Variants in ST7 observed in about 807,000 individuals in gnomAD.
The protein encoded by ST7 is suppressor of tumorigenicity 7 protein.
ST7 carries 28 observed loss-of-function variants against 78.7 expected under a neutral mutation model. The observed-to-expected ratio is 0.36, with a 90% CI of 0.26 to 0.49. The LOEUF is 0.49. Among genes scored for constraint, ST7 ranks in the 20% least tolerant of loss-of-function variants. ST7 has a pLI of 0.99. For synonymous variants in ST7, 247 were observed against 249.6 expected, an observed-to-expected ratio of 0.99 and a Z score of 0.10; for missense variants, 418 against 696.0, an observed-to-expected ratio of 0.60 and a Z score of 4.49.
chr7:116,975,566 C>T (rs1793660701), intron 1 of ST7, among the ~76,000 whole-genome samples: 1 of 152,018 alleles, frequency 6.6e-6, no homozygotes, highest in African/African-American at 2.4e-5. Context: ...TGGCTCCACA[C>T]CTGGCTCATT....
At chr7:117,159,951 C>T (rs932539258) in intron 9 of ST7, among the ~76,000 whole-genome samples, 2 of 151,874 alleles carry the variant, frequency 1.3e-5, no homozygotes, top group Non-Finnish European at 2.9e-5. Flanking sequence ...CCTGTAATCC[C>T]AGCACTTTGG....
chr7:117,106,250 G>A (rs1397698013), intron 2 of ST7, among the ~76,000 whole-genome samples: 15 of 151,986 alleles, frequency 9.9e-5, no homozygotes, highest in African/African-American at 3.6e-4. Flanking sequence ...CACCCGCCTC[G>A]GCCTCCCAAA....
intron 2 of ST7, among the ~76,000 whole-genome samples, chr7:117,115,447 C>G (rs1428449591): frequency 1.3e-5 from 2 of 151,592 alleles, no homozygotes; most frequent in Non-Finnish European, 2.9e-5. Context: ...TTCCGTCTCC[C>G]AGGTTCAAGC....
intron 1 of ST7, chr7:116,972,333 A>G (rs1254932913): frequency 8.3e-6 from 5 of 602,024 alleles, no homozygotes; most frequent in Admixed American, 2.4e-5. Context: ...TGAATTTATC[A>G]GTAAGAATCT....
At chr7:117,139,196 C>T (rs1805057994) in intron 9 of ST7, among the ~76,000 whole-genome samples, 1 of 152,094 alleles carries the variant, frequency 6.6e-6, no homozygotes, top group South Asian at 2.1e-4. Flanking sequence ...AGTTGGGGAA[C>T]TTGGATTTCC....
intron 10 of ST7, among the ~76,000 whole-genome samples, chr7:117,182,159 A>G (rs538283434): frequency 6.6e-6 from 1 of 152,126 alleles, no homozygotes; most frequent in African/African-American, 2.4e-5. Flanking sequence ...TTTGTTCTAG[A>G]TTTGTGATAT....
intron 1 of ST7, among the ~76,000 whole-genome samples, chr7:116,991,442 T>C (rs542545503): frequency 6.1e-4 from 93 of 152,258 alleles, no homozygotes; most frequent in African/African-American, 2.2e-3. Context: ...ACTTCTTACA[T>C]GGTGGCGGCA....
intron 3 of ST7, among the ~76,000 whole-genome samples, chr7:117,128,739 A>G (rs1449538518): frequency 2.0e-5 from 3 of 151,794 alleles, no homozygotes; most frequent in African/African-American, 7.3e-5. Flanking sequence ...GTGGGTGCTC[A>G]AATTAATGCT....
chr7:117,216,082 TC>T lies in ST7; in HGVS notation c.1406-2996del, dbSNP rs61231795. 9.7e-3 allele frequency among the ~76,000 whole-genome samples: 1,470 copies of T among 152,086 alleles called. 26 individuals are homozygous for T. The highest frequency in any genetic ancestry group is 0.034 in the African/African-American group (1,401 of 41,466). ...TCATTTCTTTGGTTCTGTTTATTTT[TC>T]CCCCCAGTATCAATTGAGAATCTCT... On this transcript the variant is annotated intron_variant, in intron 13 of 15. Transcript: ENST00000323984.
At chr7:117,080,455 AT>A (rs1799686951) in intron 1 of ST7, among the ~76,000 whole-genome samples, 2 of 151,338 alleles carry the variant, frequency 1.3e-5, no homozygotes, top group East Asian at 3.9e-4. Flanking sequence ...ATATTTAACC[AT>A]TTTTCTTGTT....
At chr7:117,105,475 T>G (rs1801884013) in intron 2 of ST7, among the ~76,000 whole-genome samples, 1 of 151,992 alleles carries the variant, frequency 6.6e-6, no homozygotes, top group Non-Finnish European at 1.5e-5. Context: ...AGAGATGGAG[T>G]CTCCCTATAT....
intron 13 of ST7, among the ~76,000 whole-genome samples, chr7:117,218,506 A>G (rs894146534): frequency 5.3e-5 from 8 of 152,220 alleles, no homozygotes; most frequent in African/African-American, 1.9e-4. Flanking sequence ...CAATTTTCCC[A>G]CATGATAAAA....
At chr7:117,153,216 T>C (rs1446621295) in intron 9 of ST7, among the ~76,000 whole-genome samples, 1 of 152,160 alleles carries the variant, frequency 6.6e-6, no homozygotes, top group Non-Finnish European at 1.5e-5. Context: ...GGGACTGAGA[T>C]TGTAGTCTAA....
intron 12 of ST7, among the ~76,000 whole-genome samples, chr7:117,202,299 C>A (rs185368575): frequency 5.3e-5 from 8 of 152,246 alleles, no homozygotes; most frequent in Non-Finnish European, 7.4e-5. Flanking sequence ...GCTCCTACTG[C>A]GCAGCTTCCA....
intron 3 of ST7, among the ~76,000 whole-genome samples, chr7:117,120,870 G>C (rs1803314126): frequency 6.6e-6 from 1 of 152,036 alleles, no homozygotes; most frequent in Non-Finnish European, 1.5e-5. Context: ...AAAGAATAAG[G>C]CTTAATCAAG....
At chr7:117,044,810 A>G (rs1282114685) in intron 1 of ST7, among the ~76,000 whole-genome samples, 1 of 152,164 alleles carries the variant, frequency 6.6e-6, no homozygotes, top group Admixed American at 6.5e-5. Flanking sequence ...TCCCGAATTC[A>G]TATCTCTAGT....
At chr7:117,020,302 G>A (rs1196759979) in intron 1 of ST7, 6 of 428,998 alleles carry the variant, frequency 1.4e-5, no homozygotes, top group Admixed American at 3.8e-5. Flanking sequence ...ACCTAGTCCA[G>A]CCTCACCGCA....
intron 10 of ST7, among the ~76,000 whole-genome samples, chr7:117,189,090 GAGTC>G (rs1809544168): frequency 6.6e-6 from 1 of 152,156 alleles, no homozygotes; most frequent in South Asian, 2.1e-4. Context: ...GATTGCTTAA[GAGTC>G]AGCCTGTTGG....
At chr7:117,159,442 A>G (rs1370890250) in intron 9 of ST7, among the ~76,000 whole-genome samples, 1 of 152,226 alleles carries the variant, frequency 6.6e-6, no homozygotes, top group Non-Finnish European at 1.5e-5. Flanking sequence ...AAAACAGGGC[A>G]TATAAATTTC....
Sources: gnomAD v4.1 joint callset for allele counts (sites outside exome capture counted in the v4.1 genomes callset) on GRCh38, gnomAD v4.1.1 for gene constraint, MANE v1.5 for transcripts, NCBI Gene and HGNC (gene_info 2026-07-23, HGNC 2026-07-21) for gene names.